Variants in ARHGAP25 observed in about 807,000 individuals in gnomAD.
ARHGAP25 encodes Rho GTPase activating protein 25.
In ARHGAP25, 34 loss-of-function variants were observed where a neutral mutation model predicts 71.0. The ratio of observed to expected loss-of-function variants is 0.48; its 90% CI spans 0.36 to 0.64. ARHGAP25 has a LOEUF of 0.64. ARHGAP25 is among the 30% of genes least tolerant of loss of function. ARHGAP25 has a pLI of 0.00. For synonymous variants in ARHGAP25, 282 were observed against 296.5 expected (o/e 0.95, Z 0.50); for missense variants, 706 against 805.1 (o/e 0.88, Z 1.49).
chr2:68,760,677 C>G (rs998494264), intron 1 of ARHGAP25, among the ~76,000 whole-genome samples: 2 of 151,904 alleles, frequency 1.3e-5, no homozygotes, highest in Non-Finnish European at 2.9e-5. Context: ...CAAAACATTT[C>G]TGAAAGAAAT....
intron 4 of ARHGAP25, among the ~76,000 whole-genome samples, chr2:68,790,241 C>T (rs182493821): frequency 2.5e-4 from 38 of 152,314 alleles, no homozygotes; most frequent in African/African-American, 8.7e-4. Flanking sequence ...TCCACCACCT[C>T]GGCTTCCCAA....
chr2:68,730,704 T>G (rs1436713697), upstream of ARHGAP25, among the ~76,000 whole-genome samples: 1 of 151,728 alleles, frequency 6.6e-6, no homozygotes, highest in Non-Finnish European at 1.5e-5. Context: ...CTTCAGCAAG[T>G]GCATCAGACC....
chr2:68,825,745 A>T (rs539581640), intron 10 of ARHGAP25, among the ~76,000 whole-genome samples: 1 of 152,154 alleles, frequency 6.6e-6, no homozygotes, highest in African/African-American at 2.4e-5. Context: ...ACTGCACTCC[A>T]TCCAGCCTGG....
chr2:68,814,258 C>T (rs1681044470), intron 6 of ARHGAP25, among the ~76,000 whole-genome samples: 1 of 152,166 alleles, frequency 6.6e-6, no homozygotes, highest in African/African-American at 2.4e-5. Flanking sequence ...TTTTATAAGA[C>T]TCAGTTTATT....
chr2:68,794,098 T>C (rs1679376003), intron 4 of ARHGAP25, among the ~76,000 whole-genome samples: 2 of 152,206 alleles, frequency 1.3e-5, no homozygotes, highest in South Asian at 4.1e-4. Flanking sequence ...GAAATGCTAC[T>C]GATTTTTGTA....
intron 1 of ARHGAP25, among the ~76,000 whole-genome samples, chr2:68,739,408 A>G (rs1675399918): frequency 2.0e-5 from 3 of 152,194 alleles, no homozygotes; most frequent in Admixed American, 2.0e-4. Context: ...AAGCATCTTC[A>G]TGTAGCATCC....
At chr2:68,772,405 G>A (rs765646580) in intron 1 of ARHGAP25, among the ~76,000 whole-genome samples, 26 of 152,188 alleles carry the variant, frequency 1.7e-4, no homozygotes, top group Non-Finnish European at 3.7e-4. Flanking sequence ...CTGCTAGAAG[G>A]GGGTCCTCCC....
At chr2:68,752,499 TCCAC>T (rs1285968197) in intron 1 of ARHGAP25, among the ~76,000 whole-genome samples, 2 of 152,128 alleles carry the variant, frequency 1.3e-5, no homozygotes, top group East Asian at 3.9e-4. Flanking sequence ...TTTTCCCAAC[TCCAC>T]CTTTCTAAGG....
At chr2:68,745,403 T>G (rs1022628611) in intron 1 of ARHGAP25, among the ~76,000 whole-genome samples, 2 of 152,196 alleles carry the variant, frequency 1.3e-5, no homozygotes, top group African/African-American at 4.8e-5. Flanking sequence ...ACCATTCCAT[T>G]GGTCCCACCA....
chr2:68,756,134 T>G (rs918345820), intron 1 of ARHGAP25, among the ~76,000 whole-genome samples: 3 of 152,202 alleles, frequency 2.0e-5, no homozygotes, highest in African/African-American at 7.2e-5. Flanking sequence ...GACAGTGAGT[T>G]GTACTTAATT....
rs546583146 is a variant in ARHGAP25 at position 68,782,949 on chromosome 2, C to T, written c.349+629C>T. Among the ~76,000 whole-genome samples the T allele has an allele frequency of 1.0e-3, 155 of 152,360 alleles. 1 individual carries two copies. The highest frequency in any genetic ancestry group is 3.6e-3 in the African/African-American group (149 of 41,578). ...TCTCTTGCTCCTCTGCTAGCCCTAG[C>T]CCTGCCAGGGGCTCCAGGACTAGAG... On this transcript the variant is annotated intron_variant, in intron 3 of 10. Transcript: ENST00000409202.
At chr2:68,732,371 A>G (rs1675043934), upstream of ARHGAP25, among the ~76,000 whole-genome samples, 2 of 152,180 alleles carry the variant, frequency 1.3e-5, no homozygotes, top group South Asian at 2.1e-4. Context: ...AACATTCCTC[A>G]GTTTAAAGGT....
chr2:68,822,979 G>A, intron 10 of ARHGAP25, 107 bp downstream of exon 10: 5 of 1,211,470 alleles, frequency 4.1e-6, no homozygotes, highest in Non-Finnish European at 5.6e-6. Context: ...TTCAATTTGG[G>A]GAAGACAGTA....
intron 4 of ARHGAP25, among the ~76,000 whole-genome samples, chr2:68,796,831 G>A (rs565990020): frequency 1.3e-5 from 2 of 152,264 alleles, no homozygotes; most frequent in East Asian, 1.9e-4. Context: ...CTGGGCAGGT[G>A]AGTGGGCTTT....
At chr2:68,740,403 C>T (rs942068773) in intron 1 of ARHGAP25, among the ~76,000 whole-genome samples, 8 of 152,174 alleles carry the variant, frequency 5.3e-5, no homozygotes, top group African/African-American at 1.9e-4. Context: ...ATGATCTGGC[C>T]CTTCTTACCT....
intron 2 of ARHGAP25, 200 bp downstream of exon 2, chr2:68,775,620 C>A: frequency 1.2e-6 from 1 of 857,140 alleles, no homozygotes; most frequent in Non-Finnish European, 1.9e-6. Flanking sequence ...CTCCAGGAAG[C>A]ACCAGGACGG....
At chr2:68,714,092 T>A (rs549639365) in intron 2 of ARHGAP25, among the ~76,000 whole-genome samples, 1 of 151,580 alleles carries the variant, frequency 6.6e-6, no homozygotes, top group African/African-American at 2.4e-5. Flanking sequence ...CTGGTAGAGT[T>A]TGGCTGTGAA....
chr2:68,765,784 GA>G (rs1677086165), intron 1 of ARHGAP25, among the ~76,000 whole-genome samples: 1 of 152,138 alleles, frequency 6.6e-6, no homozygotes, highest in South Asian at 2.1e-4. Flanking sequence ...AACATATTAT[GA>G]CTCGTTTCCT....
At chr2:68,715,024 A>C (rs1674576095) in intron 2 of ARHGAP25, among the ~76,000 whole-genome samples, 2 of 152,286 alleles carry the variant, frequency 1.3e-5, no homozygotes, top group African/African-American at 4.8e-5. Context: ...GGTTAGAATC[A>C]TGACTTCCCT....
Sources: gnomAD v4.1 joint callset for allele counts (sites outside exome capture counted in the v4.1 genomes callset) on GRCh38, gnomAD v4.1.1 for gene constraint, MANE v1.5 for transcripts, NCBI Gene and HGNC (gene_info 2026-07-23, HGNC 2026-07-21) for gene names.